SYNE1: variants seen among roughly 807,000 people sequenced by gnomAD.
SYNE1 encodes the protein nesprin-1.
In SYNE1, 616 loss-of-function variants were observed where a neutral mutation model predicts 1,111.0. The ratio of observed to expected loss-of-function variants is 0.55; its 90% CI spans 0.52 to 0.59. The LOEUF is 0.59. SYNE1 is among the 20% of genes least tolerant of loss of function. The pLI, the probability that SYNE1 is intolerant of heterozygous loss-of-function variation, is 0.00. For missense variants in SYNE1, 10,006 were observed against 10,417.0 expected, an observed-to-expected ratio of 0.96 and a Z score of 1.72; for synonymous variants, 3,855 against 3,825.8, an observed-to-expected ratio of 1.01 and a Z score of -0.28.
At position 152,628,503 on chromosome 6, in the gene SYNE1, C is replaced by T. The variant is rs1007823631; in HGVS notation, c.-172G>A. 3.6e-5 allele frequency: 24 copies of T among 659,630 alleles called. No individual in the cohort carries two copies. The highest frequency in any genetic ancestry group is 3.6e-4 in the East Asian group (13 of 36,506). 40.9% of individuals were successfully genotyped at this position (659,630 alleles called of 1,614,324 possible). ...GGCAGCTCTCCCAAAGACTGAACTG[C>T]TTCTTTTTCTTCTTCCGTTTTAAGA... On this transcript the variant is annotated 5_prime_UTR_variant, in exon 3 of 146. Transcript: ENST00000367255.
chr6:152,145,966 A>C (rs2059414027), intron 137 of SYNE1: 1 of 258,048 alleles, frequency 3.9e-6, no homozygotes, highest in African/African-American at 2.4e-5. Flanking sequence ...TGGAGGTTGC[A>C]GTGAGCCGAG....
chr6:152,213,869 C>T, intron 122 of SYNE1, 110 bp from the exon 123 acceptor site: 1 of 1,482,340 alleles, frequency 6.7e-7, no homozygotes, highest in Non-Finnish European at 9.3e-7. Flanking sequence ...ATTGAACCAC[C>T]ACAAAGCTTT....
chr6:152,549,039 G>C (rs1216206652), intron 3 of SYNE1, among the ~76,000 whole-genome samples: 1 of 152,086 alleles, frequency 6.6e-6, no homozygotes, highest in Non-Finnish European at 1.5e-5. Context: ...TTGTTACCTA[G>C]AACTAACCAC....
intron 103 of SYNE1, 70 bp from the exon 104 acceptor site, chr6:152,255,159 T>G (rs1474745825): frequency 2.3e-6 from 3 of 1,316,022 alleles, no homozygotes; most frequent in Non-Finnish European, 3.2e-6. Context: ...TGTTATTTTC[T>G]CATAGAAAGT....
chr6:152,162,540 T>C (rs74798202), intron 131 of SYNE1, among the ~76,000 whole-genome samples: 1 of 152,184 alleles, frequency 6.6e-6, no homozygotes, highest in African/African-American at 2.4e-5. Flanking sequence ...ACTATAGACA[T>C]CATTACCATG....
At chr6:152,601,242 T>C (rs543868919) in intron 3 of SYNE1, among the ~76,000 whole-genome samples, 1 of 152,152 alleles carries the variant, frequency 6.6e-6, no homozygotes, top group Non-Finnish European at 1.5e-5. Context: ...AGCAAAGCAT[T>C]TGATAATTAC....
At chr6:152,410,685 C>T (rs959302623) in intron 42 of SYNE1, among the ~76,000 whole-genome samples, 5 of 152,150 alleles carry the variant, frequency 3.3e-5, no homozygotes, top group African/African-American at 9.7e-5. Flanking sequence ...GAGCCAAGAT[C>T]ACACCACTGT....
intron 21 of SYNE1, among the ~76,000 whole-genome samples, chr6:152,459,363 C>A (rs1001174252): frequency 2.6e-5 from 4 of 152,168 alleles, no homozygotes; most frequent in African/African-American, 7.2e-5. Context: ...CAAGAGATCG[C>A]CTACTTGAAC....
intron 21 of SYNE1, among the ~76,000 whole-genome samples, chr6:152,459,296 C>A (rs2098717026): frequency 6.6e-6 from 1 of 152,156 alleles, no homozygotes; most frequent in African/African-American, 2.4e-5. Flanking sequence ...TGACCTAAGA[C>A]AGTCATGAAT....
chr6:152,136,662 C>T lies in SYNE1; in HGVS notation c.25615G>A (p.Glu8539Lys), dbSNP rs2057153986. Residue 8539 changes from glutamate to lysine, a missense_variant, in exon 141 of 146, where the codon GAG becomes AAG. By Grantham distance (56) the Glu-to-Lys change is moderately conservative. Transcript: ENST00000367255. ...GRWDRVCSLL[E>K]EWRGLLQDAL... ...TCCTGCAGCAGGCCCCGCCACTCCT[C>T]CAGCAGAGAGCACACTCGGTCCCAG... The T allele has an allele frequency of 1.9e-6, 3 of 1,614,154 alleles. No homozygotes were observed. The highest frequency in any genetic ancestry group is 2.5e-6 in the Non-Finnish European group (3 of 1,180,050).
At chr6:152,562,208 T>C (rs2099397287) in intron 3 of SYNE1, among the ~76,000 whole-genome samples, 1 of 151,874 alleles carries the variant, frequency 6.6e-6, no homozygotes, top group Non-Finnish European at 1.5e-5. Context: ...AAAAACTAAA[T>C]AGCAGAAAAA....
chr6:152,325,266 T>C lies in SYNE1; in HGVS notation c.15475A>G (p.Ile5159Val), dbSNP rs1163786768. The change falls in exon 81 of 146, where the codon ATT becomes GTT. Residue 5159 changes from isoleucine (I) to valine (V), a missense_variant. Physicochemically the swap from Ile to Val is conservative, Grantham distance 29. Around this residue, in one of 7 missense-constraint regions of SYNE1, gnomAD observed 4,955 missense variants for 5,017.2 expected, o/e 0.99. Coordinates refer to ENST00000367255, the MANE Select transcript of SYNE1 (RefSeq NM_182961.4). ...VSVVNSFHEKIVALEEKASQL... is the reference protein window; with the variant it reads ...VSVVNSFHEKVVALEEKASQL... ...GAAGCTTTTTCCTCAAGGGCCACAATTTTCTCATGGAAAGAGTTAACCACT... is the reference window on the plus strand; with the variant it reads ...GAAGCTTTTTCCTCAAGGGCCACAACTTTCTCATGGAAAGAGTTAACCACT... 1 of 1,614,074 alleles carries C rather than the reference T, an allele frequency of 6.2e-7. No homozygotes were observed. The highest frequency in any genetic ancestry group is 8.5e-7 in the Non-Finnish European group (1 of 1,180,014).
At chr6:152,577,319 G>A (rs1403683030) in intron 3 of SYNE1, among the ~76,000 whole-genome samples, 2 of 152,238 alleles carry the variant, frequency 1.3e-5, no homozygotes, top group East Asian at 3.9e-4. Context: ...AAATGACATC[G>A]TTACTGCATT....
At chr6:152,444,073 A>C (rs1487509910) in intron 30 of SYNE1, among the ~76,000 whole-genome samples, 1 of 152,248 alleles carries the variant, frequency 6.6e-6, no homozygotes, top group East Asian at 1.9e-4. Context: ...CAATTGGTCC[A>C]TCTATGCCTT....
chr6:152,317,986 T>C (rs1188415148), intron 86 of SYNE1, 95 bp downstream of exon 86: 8 of 1,524,468 alleles, frequency 5.2e-6, no homozygotes, highest in Non-Finnish European at 7.3e-6. Flanking sequence ...GTCCATTTTA[T>C]CTTTTTATTT....
chr6:152,147,676 C>A (rs1036885437), intron 137 of SYNE1: 2 of 295,266 alleles, frequency 6.8e-6, no homozygotes, highest in Non-Finnish European at 1.3e-5. Context: ...CCCAGGACTC[C>A]GGCTTTGTCG....
At chr6:152,215,281 C>T (rs2078362711) in intron 121 of SYNE1, among the ~76,000 whole-genome samples, 1 of 152,176 alleles carries the variant, frequency 6.6e-6, no homozygotes, top group Non-Finnish European at 1.5e-5. Flanking sequence ...GCTACTCAAG[C>T]TACTCATTAT....
In SYNE1 at chr6:152,399,807, A is replaced by G. The variant is rs1053319569; in HGVS notation, c.7046T>C (p.Leu2349Pro). 1 of 1,614,000 alleles carries G rather than the reference A, an allele frequency of 6.2e-7. No homozygotes were observed. Among genetic ancestry groups the G allele is most frequent in the African/African-American group, 1.3e-5 (1 of 74,910 alleles). ...GCTGATGTTGCTTTGTTGACTTTGA[A>G]GTTCTTTTTGTATATCCTACAGAAT... ...LKKVKDIQKE[L>P]QSQQSNISST... Residue 2349 changes from leucine (L) to proline (P), a missense_variant, in exon 48 of 146, where the codon CTT (leucine) becomes CCT (proline). By Grantham distance (98) the Leu-to-Pro change is moderately conservative (BLOSUM62 -3). Coordinates refer to ENST00000367255, the MANE Select transcript of SYNE1 (RefSeq NM_182961.4).
chr6:152,454,640 G>A (rs2098681308), intron 24 of SYNE1, among the ~76,000 whole-genome samples: 1 of 152,204 alleles, frequency 6.6e-6, no homozygotes, highest in South Asian at 2.1e-4. Flanking sequence ...GTCTCACACA[G>A]TCTCAGGAGT....
Sources: allele counts gnomAD v4.1 joint callset (sites outside exome capture counted in the v4.1 genomes callset), GRCh38; gene constraint gnomAD v4.1.1; regional missense constraint gnomAD v4.1.1; transcripts MANE v1.5; gene names NCBI Gene and HGNC (gene_info 2026-07-23, HGNC 2026-07-21).